The following KCNH5 variants were observed in gnomAD, a reference collection of about 807,000 sequenced individuals.
The protein encoded by KCNH5 is potassium voltage-gated channel subfamily H member 5.
In KCNH5, 46 loss-of-function variants were observed where a neutral mutation model predicts 96.1. The observed-to-expected ratio is 0.48, with a 90% confidence interval of 0.38 to 0.61. KCNH5 has a LOEUF of 0.61. Among genes scored for constraint, KCNH5 ranks in the 20% least tolerant of loss-of-function variants. The probability of loss-of-function intolerance (pLI) is 0.00; values close to 1 mark genes in which losing one functional copy is unlikely to be tolerated. For missense variants in KCNH5, 907 were observed against 1,225.8 expected, an observed-to-expected ratio of 0.74 and a Z score of 3.88; for synonymous variants, 439 against 449.8, an observed-to-expected ratio of 0.98 and a Z score of 0.30.
chr14:62,894,259 C>A (rs1236117522), intron 7 of KCNH5, among the ~76,000 whole-genome samples: 1 of 152,116 alleles, frequency 6.6e-6, no homozygotes, highest in East Asian at 1.9e-4. Context: ...TACGTTTGTG[C>A]TGGATATTTT....
intron 8 of KCNH5, among the ~76,000 whole-genome samples, chr14:62,848,547 C>G (rs9323422): frequency 0.1 from 15,247 of 152,132 alleles, 1,047 homozygotes; most frequent in East Asian, 0.29. Context: ...GAAGGCTTCT[C>G]TCCCTCAACT....
At chr14:62,775,261 C>T (rs959225630) in intron 10 of KCNH5, among the ~76,000 whole-genome samples, 1 of 152,132 alleles carries the variant, frequency 6.6e-6, no homozygotes, top group East Asian at 1.9e-4. Flanking sequence ...GTCCAGGCCC[C>T]AGGTAAAAAT....
chr14:63,002,975 G>A (rs1395172963), intron 3 of KCNH5, among the ~76,000 whole-genome samples: 1 of 152,134 alleles, frequency 6.6e-6, no homozygotes, highest in East Asian at 1.9e-4. Context: ...AGACCCAGAC[G>A]TTAGTGGATA....
chr14:62,827,624 T>C (rs1399277684), intron 8 of KCNH5, among the ~76,000 whole-genome samples: 3 of 152,218 alleles, frequency 2.0e-5, no homozygotes, highest in Admixed American at 2.0e-4. Context: ...TATATATTAC[T>C]ATCAAGAAGT....
chr14:62,832,329 T>C (rs112415843), intron 8 of KCNH5, among the ~76,000 whole-genome samples: 6 of 150,352 alleles, frequency 4.0e-5, no homozygotes, highest in African/African-American at 1.5e-4. Context: ...TTGACTACTT[T>C]AGATACCTCA....
At chr14:63,037,615 G>A (rs1891747173) in intron 1 of KCNH5, among the ~76,000 whole-genome samples, 1 of 152,126 alleles carries the variant, frequency 6.6e-6, no homozygotes, top group South Asian at 2.1e-4. Flanking sequence ...ATAAATGCCA[G>A]CAGACCAAAA....
intron 10 of KCNH5, among the ~76,000 whole-genome samples, chr14:62,739,723 C>A (rs889704407): frequency 3.3e-5 from 5 of 152,110 alleles, no homozygotes; most frequent in Admixed American, 2.0e-4. Flanking sequence ...ACAAACATTA[C>A]ATGCGGGCAA....
At chr14:62,808,577 T>A (rs936697017) in intron 8 of KCNH5, among the ~76,000 whole-genome samples, 3 of 152,144 alleles carry the variant, frequency 2.0e-5, no homozygotes, top group Non-Finnish European at 1.5e-5. Context: ...AGGTGAAGTT[T>A]GGCTTATTTG....
chr14:62,972,710 C>A (rs753512790), intron 6 of KCNH5, among the ~76,000 whole-genome samples: 29 of 151,518 alleles, frequency 1.9e-4, no homozygotes, highest in Non-Finnish European at 3.1e-4. Flanking sequence ...CTTGAAAAAA[C>A]ACAGAGGAAC....
chr14:62,910,899 C>CCACACACACACACACACA (rs1555363113), intron 7 of KCNH5, among the ~76,000 whole-genome samples: 2 of 140,256 alleles, frequency 1.4e-5, no homozygotes, highest in Non-Finnish European at 3.1e-5. Context: ...TGTGCATACA[C>CCACACACACACACACACA]CACACACACA....
chr14:62,849,599 C>CA lies in KCNH5; in HGVS notation c.1569+53dup, dbSNP rs1887764285. On this transcript the variant is annotated intron_variant, in intron 8 of 10. Transcript: ENST00000322893. The stretch of plus-strand genomic sequence containing the variant: ...AATACGTGACTGGAAAAGCTTAATG[C>CA]ATCTGAAGATCCTACTAAAATAGAA... 4 of 1,413,774 alleles carry CA rather than the reference C, an allele frequency of 2.8e-6. No homozygotes were observed. In the Admixed American group the frequency reaches 6.7e-5, roughly 24 times the overall value. The allele number at this position is 1,413,774 out of a possible 1,614,324, so 87.6% of individuals were successfully genotyped here.
chr14:62,966,090 T>C (rs1266892824), intron 6 of KCNH5, among the ~76,000 whole-genome samples: 1 of 152,296 alleles, frequency 6.6e-6, no homozygotes, highest in African/African-American at 2.4e-5. Flanking sequence ...TAATCCTGTG[T>C]ATAAATGTGA....
At chr14:63,009,063 T>G (rs1273518352) in intron 2 of KCNH5, among the ~76,000 whole-genome samples, 1 of 152,136 alleles carries the variant, frequency 6.6e-6, no homozygotes, top group Non-Finnish European at 1.5e-5. Context: ...CATTTCACAC[T>G]GCTACTAAAT....
intron 6 of KCNH5, 28 bp from the exon 7 acceptor site, chr14:62,950,587 C>T: frequency 7.1e-7 from 1 of 1,411,446 alleles, no homozygotes; most frequent in Non-Finnish European, 9.5e-7. Context: ...AAAAAAATTA[C>T]ACCACATTTT....
At chr14:62,921,862 A>C (rs1207919778) in intron 7 of KCNH5, among the ~76,000 whole-genome samples, 1 of 152,118 alleles carries the variant, frequency 6.6e-6, no homozygotes, top group African/African-American at 2.4e-5. Flanking sequence ...AATACATCTT[A>C]AGTTGACCTC....
intron 6 of KCNH5, among the ~76,000 whole-genome samples, chr14:62,968,952 G>A (rs1031260917): frequency 2.0e-5 from 3 of 152,162 alleles, no homozygotes; most frequent in African/African-American, 4.8e-5. Flanking sequence ...GATGAAAGAC[G>A]AGTAATCCAA....
At chr14:62,977,049 T>A (rs1380838601) in intron 6 of KCNH5, among the ~76,000 whole-genome samples, 4 of 152,120 alleles carry the variant, frequency 2.6e-5, no homozygotes, top group Non-Finnish European at 4.4e-5. Context: ...AAGGATCAGC[T>A]ATAAAATGCA....
chr14:62,756,099 A>G (rs1389110957), intron 10 of KCNH5, among the ~76,000 whole-genome samples: 1 of 152,164 alleles, frequency 6.6e-6, no homozygotes, highest in Non-Finnish European at 1.5e-5. Context: ...AAACACATTC[A>G]GTAAAGTTCT....
At chr14:63,001,720 T>C (rs143087174) in intron 3 of KCNH5, among the ~76,000 whole-genome samples, 89 of 152,334 alleles carry the variant, frequency 5.8e-4, no homozygotes, top group African/African-American at 2.1e-3. Context: ...CATTTCACAA[T>C]GCAGGAACAC....
Sources: allele counts gnomAD v4.1 joint callset (sites outside exome capture counted in the v4.1 genomes callset), GRCh38; gene constraint gnomAD v4.1.1; transcripts MANE v1.5; gene names NCBI Gene and HGNC (gene_info 2026-07-23, HGNC 2026-07-21).